TMEM236: variants seen among roughly 807,000 people sequenced by gnomAD.
TMEM236 encodes the protein family with sequence similarity 23, member A.
A neutral mutation model predicts 14.7 loss-of-function variants in TMEM236; 11 were observed. The ratio of observed to expected loss-of-function variants is 0.75; its 90% CI spans 0.47 to 1.24. The LOEUF (loss-of-function observed/expected upper bound fraction) is 1.24. TMEM236 is among the 50% of genes most tolerant of loss of function. The pLI is 0.00. For missense variants in TMEM236, 464 were observed against 427.3 expected (o/e 1.09, Z -0.76); for synonymous variants, 182 against 168.6 (o/e 1.08, Z -0.62).
rs1473352790 is a variant in TMEM236 at position 17,799,071 on chromosome 10, A to G, written c.*2567A>G. 4 of 187,248 alleles carry G rather than the reference A, an allele frequency of 2.1e-5. No individual in the cohort carries two copies. Among genetic ancestry groups the G allele is most frequent in the South Asian group, 9.8e-5 (1 of 10,230 alleles). 11.6% of individuals were successfully genotyped at this position (187,248 alleles called of 1,614,324 possible). On this transcript the variant is annotated 3_prime_UTR_variant, in exon 4 of 4. Coordinates refer to ENST00000377495, the MANE Select transcript of TMEM236 (RefSeq NM_001098844.3). ...CAAAAGTGATCGATCTGCTGAATATATAAATTAAAATGGACACAAGCCTTC... is the reference window on the plus strand; with the variant it reads ...CAAAAGTGATCGATCTGCTGAATATGTAAATTAAAATGGACACAAGCCTTC...
At position 17,798,223 on chromosome 10, in the gene TMEM236, T is replaced by C. The variant is rs1838046888; in HGVS notation, c.*1719T>C. The C allele has an allele frequency of 1.3e-5, 3 of 233,968 alleles. No homozygotes were observed. The highest frequency in any genetic ancestry group is 1.2e-4 in the South Asian group (2 of 17,060). The allele number at this position is 233,968 out of a possible 1,614,324, so 14.5% of individuals were successfully genotyped here. ...AACAAATCATTAAGAATGAGACATA[T>C]GGCTTAAGAATGAAGCTTAAGAATT... is the stretch of plus-strand genomic sequence containing the variant. On this transcript the variant is annotated 3_prime_UTR_variant, in exon 4 of 4. Transcript: ENST00000377495.
At chr10:17,757,413 C>T (rs1451530758) in intron 1 of TMEM236, among the ~76,000 whole-genome samples, 4 of 151,964 alleles carry the variant, frequency 2.6e-5, no homozygotes, top group East Asian at 1.9e-4. Context: ...GCCTAGGCAA[C>T]GTAGTGAGAC....
intron 1 of TMEM236, among the ~76,000 whole-genome samples, chr10:17,766,138 T>G (rs1279201028): frequency 6.6e-6 from 1 of 152,252 alleles, no homozygotes; most frequent in Non-Finnish European, 1.5e-5. Context: ...AGTTCCTTTT[T>G]GCTTAAAAAT....
chr10:17,796,436 T>C lies in TMEM236; in HGVS notation c.988T>C (p.Ser330Pro). The C allele has an allele frequency of 6.2e-7, 1 of 1,613,836 alleles. No homozygotes were observed. Among genetic ancestry groups the C allele is most frequent in the Non-Finnish European group, 8.5e-7 (1 of 1,179,856 alleles). Residue 330 changes from serine (S) to proline (P), a missense_variant, in exon 4 of 4, where the codon TCT becomes CCT. Coordinates refer to ENST00000377495, the MANE Select transcript of TMEM236 (RefSeq NM_001098844.3). ...GLCKNILVTL[S>P]YIYFNYLTRI... Reference sequence around the variant, plus strand: ...GTGTAAAAATATCCTCGTGACTCTCTCTTACATTTACTTCAATTACCTAAC... The same window carrying C: ...GTGTAAAAATATCCTCGTGACTCTCCCTTACATTTACTTCAATTACCTAAC...
chr10:17,776,627 A>G (rs1837661973), intron 3 of TMEM236, among the ~76,000 whole-genome samples: 1 of 152,182 alleles, frequency 6.6e-6, no homozygotes, highest in South Asian at 2.1e-4. Flanking sequence ...AAAATGCCAA[A>G]GATCACACTA....
intron 1 of TMEM236, 57 bp downstream of exon 1, chr10:17,752,609 C>A: frequency 1.9e-6 from 3 of 1,565,354 alleles, no homozygotes; most frequent in Non-Finnish European, 2.6e-6. Context: ...CTCTGTCACC[C>A]AGGCTGGAGT....
chr10:17,785,666 C>T (rs1419299962), intron 3 of TMEM236, among the ~76,000 whole-genome samples: 2 of 151,648 alleles, frequency 1.3e-5, no homozygotes, highest in Non-Finnish European at 1.5e-5. Context: ...GCCCCTAGTG[C>T]GAGCTGAATT....
intron 3 of TMEM236, among the ~76,000 whole-genome samples, chr10:17,786,944 C>G (rs1024947868): frequency 4.6e-5 from 7 of 152,072 alleles, no homozygotes; most frequent in Non-Finnish European, 8.8e-5. Context: ...CAGGGGTTTC[C>G]GCTTTTGCAT....
At chr10:17,766,343 C>T (rs1837463659) in intron 1 of TMEM236, among the ~76,000 whole-genome samples, 1 of 152,152 alleles carries the variant, frequency 6.6e-6, no homozygotes, top group Non-Finnish European at 1.5e-5. Flanking sequence ...AAAGGATCAC[C>T]CTTCCTCCAG....
At chr10:17,766,057 T>A (rs1054095062) in intron 1 of TMEM236, among the ~76,000 whole-genome samples, 3 of 152,220 alleles carry the variant, frequency 2.0e-5, no homozygotes, top group African/African-American at 7.2e-5. Context: ...GCCTTGGTGT[T>A]CTCTTCTGAG....
intron 1 of TMEM236, among the ~76,000 whole-genome samples, chr10:17,756,446 C>T (rs1349133689): frequency 4.6e-5 from 7 of 152,026 alleles, no homozygotes; most frequent in Non-Finnish European, 7.4e-5. Context: ...CAGTTGTGCA[C>T]GACCACACCC....
At chr10:17,756,370 C>G (rs1053882052) in intron 1 of TMEM236, among the ~76,000 whole-genome samples, 8,202 of 151,958 alleles carry the variant, frequency 0.054, 294 homozygotes, top group Non-Finnish European at 0.08. Flanking sequence ...GATCTAGGCT[C>G]CCTGTACCTC....
intron 1 of TMEM236, among the ~76,000 whole-genome samples, chr10:17,763,203 C>G (rs1012325676): frequency 2.0e-5 from 3 of 152,096 alleles, no homozygotes; most frequent in South Asian, 4.2e-4. Context: ...TTACTGGGCA[C>G]AGACTTGGTA....
chr10:17,786,087 TA>T (rs1453010365), intron 3 of TMEM236, among the ~76,000 whole-genome samples: 2 of 152,160 alleles, frequency 1.3e-5, no homozygotes, highest in African/African-American at 4.8e-5. Flanking sequence ...TTGTTTTTCC[TA>T]AGTGGGCAAA....
intron 1 of TMEM236, among the ~76,000 whole-genome samples, chr10:17,767,909 C>T (rs1837495130): frequency 2.9e-5 from 4 of 136,290 alleles, no homozygotes; most frequent in African/African-American, 1.2e-4. Context: ...TAAGTACTCC[C>T]CATCTTTTTT....
At chr10:17,775,409 G>A (rs952695403) in intron 2 of TMEM236, among the ~76,000 whole-genome samples, 32 of 152,216 alleles carry the variant, frequency 2.1e-4, no homozygotes, top group African/African-American at 6.7e-4. Flanking sequence ...CGAGTAGCTC[G>A]AACCAAAGAT....
rs1397619518 is a variant in TMEM236, at chr10:17,760,012, G to C, written c.257+7460G>C. Among the ~76,000 whole-genome samples, 69 of 68,780 alleles carry C rather than the reference G, an allele frequency of 1.0e-3. 1 individual carries two copies. The East Asian group carries it at 0.028, about 28-fold the overall frequency. 45.1% of individuals were successfully genotyped at this position (68,780 alleles called of 152,430 possible). On this transcript the variant is annotated intron_variant, in intron 1 of 3. Coordinates refer to ENST00000377495, the MANE Select transcript of TMEM236 (RefSeq NM_001098844.3). ...AAAAAAAAAAAAAAAAAAAAAAAAA[G>C]ATTGCCCCGAGGGAGCCTTGAGCAC...
chr10:17,753,934 G>A (rs1249633571), intron 1 of TMEM236, among the ~76,000 whole-genome samples: 1 of 152,190 alleles, frequency 6.6e-6, no homozygotes, highest in East Asian at 1.9e-4. Flanking sequence ...AGAGCGTAAG[G>A]ATAGAATGTG....
chr10:17,788,933 AC>A (rs1837878935), intron 3 of TMEM236, among the ~76,000 whole-genome samples: 1 of 152,230 alleles, frequency 6.6e-6, no homozygotes, highest in African/African-American at 2.4e-5. Context: ...AGTTTTGAGC[AC>A]AGGCAGTAGT....
Sources: gnomAD v4.1 joint callset for allele counts (sites outside exome capture counted in the v4.1 genomes callset) on GRCh38, gnomAD v4.1.1 for gene constraint, MANE v1.5 for transcripts, NCBI Gene and HGNC (gene_info 2026-07-23, HGNC 2026-07-21) for gene names.